PCTP: variants seen among roughly 807,000 people sequenced by gnomAD.
The protein encoded by PCTP is phosphatidylcholine transfer protein.
In PCTP, 27 loss-of-function variants were observed where a neutral mutation model predicts 31.0. The ratio of observed to expected loss-of-function variants is 0.87; its 90% CI spans 0.64 to 1.20. PCTP has a LOEUF of 1.20. Ranked by LOEUF, PCTP falls within the 50% of genes most tolerant of loss-of-function variation. The pLI is 0.00. For synonymous variants in PCTP, 108 were observed against 101.2 expected, an observed-to-expected ratio of 1.07 and a Z score of -0.40; for missense variants, 287 against 268.2, an observed-to-expected ratio of 1.07 and a Z score of -0.49.
downstream of PCTP, among the ~76,000 whole-genome samples, chr17:55,824,913 C>T (rs976532285): frequency 6.6e-6 from 1 of 151,954 alleles, no homozygotes; most frequent in Non-Finnish European, 1.5e-5. Flanking sequence ...TCTAATGGTG[C>T]CTTGAGAAAA....
chr17:55,781,773 A>G (rs1288617954), downstream of PCTP, among the ~76,000 whole-genome samples: 5 of 152,184 alleles, frequency 3.3e-5, no homozygotes, highest in Non-Finnish European at 5.9e-5. Flanking sequence ...AGCCTAGGAA[A>G]ACGGGTTACT....
At chr17:55,762,317 CAAAG>C (rs1910382063) in intron 1 of PCTP, among the ~76,000 whole-genome samples, 1 of 151,982 alleles carries the variant, frequency 6.6e-6, no homozygotes, top group African/African-American at 2.4e-5. Flanking sequence ...ATTTATAAGA[CAAAG>C]AAAGGGAAAT....
chr17:55,819,441 T>C (rs1251681006), intron 3 of PCTP, among the ~76,000 whole-genome samples: 1 of 152,176 alleles, frequency 6.6e-6, no homozygotes, highest in Non-Finnish European at 1.5e-5. Flanking sequence ...TTGCAGTTCC[T>C]GATATAAAAA....
chr17:55,822,522 T>G (rs1038313081), intron 3 of PCTP, among the ~76,000 whole-genome samples: 9 of 152,160 alleles, frequency 5.9e-5, no homozygotes, highest in African/African-American at 2.2e-4. Context: ...AGTGGGGGGA[T>G]TAAATATGCA....
At chr17:55,781,776 G>C (rs377299545), downstream of PCTP, among the ~76,000 whole-genome samples, 1 of 152,082 alleles carries the variant, frequency 6.6e-6, no homozygotes, top group Non-Finnish European at 1.5e-5. Flanking sequence ...CTAGGAAAAC[G>C]GGTTACTCCA....
At chr17:55,752,586 G>A (rs536723195) in intron 1 of PCTP, among the ~76,000 whole-genome samples, 2 of 152,290 alleles carry the variant, frequency 1.3e-5, no homozygotes, top group South Asian at 2.1e-4. Flanking sequence ...GATGCAGTCC[G>A]TCCCTCTCCA....
At chr17:55,773,636 T>A in intron 3 of PCTP, 88 bp from the exon 4 acceptor site, 2 of 1,306,306 alleles carry the variant, frequency 1.5e-6, no homozygotes, top group Non-Finnish European at 2.1e-6. Flanking sequence ...AGGCACAGAA[T>A]CACCTCCCTT....
intron 3 of PCTP, among the ~76,000 whole-genome samples, chr17:55,803,891 G>GAAAAAAA (rs1912479251): frequency 1.6e-5 from 2 of 125,186 alleles, no homozygotes; most frequent in African/African-American, 7.6e-5. Flanking sequence ...CTTCTGCAGA[G>GAAAAAAA]CAAAAAAAAA....
At chr17:55,843,201 T>C (rs1020202471), downstream of PCTP, among the ~76,000 whole-genome samples, 1 of 152,124 alleles carries the variant, frequency 6.6e-6, no homozygotes, top group Non-Finnish European at 1.5e-5. Flanking sequence ...ATTATAATAA[T>C]GTTATATTAT....
intron 5 of PCTP, among the ~76,000 whole-genome samples, chr17:55,829,022 A>G (rs1905504805): frequency 6.6e-6 from 1 of 152,134 alleles, no homozygotes; most frequent in African/African-American, 2.4e-5. Flanking sequence ...GACACCTGTA[A>G]TAATCATCAC....
intron 1 of PCTP, among the ~76,000 whole-genome samples, chr17:55,763,979 C>T (rs1269995386): frequency 1.3e-5 from 2 of 152,090 alleles, no homozygotes; most frequent in Non-Finnish European, 2.9e-5. Flanking sequence ...AGTTCTGCCT[C>T]GAAGGGAATG....
chr17:55,815,625 G>T (rs1352106820), intron 3 of PCTP, among the ~76,000 whole-genome samples: 1 of 152,142 alleles, frequency 6.6e-6, no homozygotes, highest in East Asian at 1.9e-4. Flanking sequence ...CTTTAGACTG[G>T]AGAAGGTACA....
At chr17:55,794,444 A>G (rs1484828956) in intron 3 of PCTP, among the ~76,000 whole-genome samples, 1 of 151,728 alleles carries the variant, frequency 6.6e-6, no homozygotes, top group Non-Finnish European at 1.5e-5. Flanking sequence ...TGTTATGGGC[A>G]TTTGGGTGTT....
At chr17:55,835,060 A>G (rs1391217065) in intron 5 of PCTP, among the ~76,000 whole-genome samples, 1 of 152,172 alleles carries the variant, frequency 6.6e-6, no homozygotes, top group Admixed American at 6.5e-5. Context: ...GAGGGAAGAC[A>G]ATTATGGGAA....
chr17:55,839,919 C>CAAAAA lies in PCTP; in HGVS notation n.506-2784_506-2780dup, dbSNP rs57402824. On this transcript the variant is annotated intron_variant and non_coding_transcript_variant, in intron 5 of 5. Transcript: ENST00000576221. ...TGGGCGACAGAGCGAGACTCAGTCT[C>CAAAAA]AAAAAAAAAAAAAAAAAAAAAAAAA... Among the ~76,000 whole-genome samples, 69 of 12,502 alleles carry CAAAAA rather than the reference C, an allele frequency of 5.5e-3. 9 individuals carry two copies. The highest frequency in any genetic ancestry group is 0.016 in the African/African-American group (63 of 3,822). 8.2% of individuals were successfully genotyped at this position (12,502 alleles called of 152,430 possible).
chr17:55,851,256 G>T, the PCTP span, among the ~76,000 whole-genome samples: 1 of 152,200 alleles, frequency 6.6e-6, no homozygotes, highest in Non-Finnish European at 1.5e-5. Context: ...AAATGACTTT[G>T]AGAATCTTAT....
downstream of PCTP, among the ~76,000 whole-genome samples, chr17:55,845,806 C>G (rs1906130602): frequency 2.6e-5 from 4 of 152,180 alleles, no homozygotes; most frequent in South Asian, 6.2e-4. Flanking sequence ...CCCCTCCCCC[C>G]ATTCTCCCAT....
intron 2 of PCTP, chr17:55,769,329 A>G (rs1259309260): frequency 1.3e-5 from 2 of 152,192 alleles, no homozygotes; most frequent in African/African-American, 2.4e-5. Flanking sequence ...TACTCTTCCT[A>G]TTTAGGGGGC....
intron 2 of PCTP, chr17:55,769,389 G>T (rs1910856711): frequency 6.6e-6 from 1 of 152,224 alleles, no homozygotes; most frequent in South Asian, 2.1e-4. Context: ...GTCTGTCCAG[G>T]CCTCCCTTGC....
Sources: gnomAD v4.1 joint callset for allele counts (sites outside exome capture counted in the v4.1 genomes callset) on GRCh38, gnomAD v4.1.1 for gene constraint, MANE v1.5 for transcripts, NCBI Gene and HGNC (gene_info 2026-07-23, HGNC 2026-07-21) for gene names.